The following KHDRBS3 variants were observed in gnomAD, a reference collection of about 807,000 sequenced individuals.
KHDRBS3 encodes the protein KH domain-containing, RNA-binding, signal transduction-associated protein 3.
A neutral mutation model predicts 45.6 loss-of-function variants in KHDRBS3; 23 were observed. The observed-to-expected ratio is 0.50, with a 90% CI of 0.36 to 0.72. The LOEUF (loss-of-function observed/expected upper bound fraction) is 0.72, where lower values mean the gene tolerates loss of function less well. KHDRBS3 is among the 30% of genes least tolerant of loss of function. The pLI is 0.00. For synonymous variants in KHDRBS3, 162 were observed against 156.5 expected, an observed-to-expected ratio of 1.04 and a Z score of -0.26; for missense variants, 352 against 424.8, an observed-to-expected ratio of 0.83 and a Z score of 1.51.
intron 1 of KHDRBS3, among the ~76,000 whole-genome samples, chr8:135,515,133 G>C (rs1034063318): frequency 6.6e-6 from 1 of 151,902 alleles, no homozygotes; most frequent in Non-Finnish European, 1.5e-5. Flanking sequence ...TTGGGAGGCC[G>C]AGGCGGGCGG....
chr8:135,478,984 TTAA>T (rs1822433770), intron 1 of KHDRBS3, among the ~76,000 whole-genome samples: 1 of 151,796 alleles, frequency 6.6e-6, no homozygotes, highest in Non-Finnish European at 1.5e-5. Flanking sequence ...GAATAGAAAA[TTAA>T]TAGAGAAAAG....
intron 4 of KHDRBS3, among the ~76,000 whole-genome samples, chr8:135,553,854 A>G (rs1456848077): frequency 6.6e-6 from 1 of 152,208 alleles, no homozygotes; most frequent in Non-Finnish European, 1.5e-5. Context: ...TAATGTTGTA[A>G]TAGTTTCACT....
At chr8:135,644,079 G>A (rs1015016299) in intron 7 of KHDRBS3, among the ~76,000 whole-genome samples, 6 of 152,130 alleles carry the variant, frequency 3.9e-5, no homozygotes, top group Middle Eastern at 3.2e-3. Flanking sequence ...AAATGGAGTG[G>A]GAAAGAGGAA....
chr8:135,555,238 C>T (rs1207164523), intron 4 of KHDRBS3, among the ~76,000 whole-genome samples: 2 of 152,150 alleles, frequency 1.3e-5, no homozygotes, highest in Non-Finnish European at 2.9e-5. Context: ...TTTCAGTATA[C>T]TCTGTGAAGA....
intron 6 of KHDRBS3, among the ~76,000 whole-genome samples, chr8:135,603,993 G>A (rs1287664046): frequency 1.3e-5 from 2 of 151,558 alleles, no homozygotes; most frequent in Admixed American, 1.3e-4. Flanking sequence ...ACTTATTACT[G>A]AAAGTGTGTT....
At chr8:135,519,974 G>T (rs1203364633) in intron 1 of KHDRBS3, among the ~76,000 whole-genome samples, 1 of 152,124 alleles carries the variant, frequency 6.6e-6, no homozygotes, top group Non-Finnish European at 1.5e-5. Context: ...TTGTTTTTCT[G>T]ATATGACATA....
At chr8:135,477,175 T>C (rs1487089931) in intron 1 of KHDRBS3, among the ~76,000 whole-genome samples, 2 of 152,180 alleles carry the variant, frequency 1.3e-5, no homozygotes, top group Non-Finnish European at 2.9e-5. Flanking sequence ...GATACAGCCA[T>C]ATATATTGAT....
intron 1 of KHDRBS3, among the ~76,000 whole-genome samples, chr8:135,485,723 G>A (rs1586589667): frequency 6.6e-6 from 1 of 151,406 alleles, no homozygotes; most frequent in African/African-American, 2.4e-5. Flanking sequence ...GGGTGATGAC[G>A]GTGATGATGG....
intron 1 of KHDRBS3, among the ~76,000 whole-genome samples, chr8:135,488,029 G>T (rs980311697): frequency 3.9e-5 from 6 of 152,208 alleles, no homozygotes; most frequent in Non-Finnish European, 7.3e-5. Flanking sequence ...GTGTGTGCAT[G>T]TGCATAGGTG....
At chr8:135,569,928 A>G (rs1827621169) in intron 5 of KHDRBS3, among the ~76,000 whole-genome samples, 1 of 150,064 alleles carries the variant, frequency 6.7e-6, no homozygotes, top group African/African-American at 2.5e-5. Flanking sequence ...TTTAAGAAGA[A>G]AGAAAAACAA....
At chr8:135,525,960 A>G (rs1825161619) in intron 2 of KHDRBS3, among the ~76,000 whole-genome samples, 1 of 152,232 alleles carries the variant, frequency 6.6e-6, no homozygotes, top group African/African-American at 2.4e-5. Context: ...TGGTGATCCC[A>G]TAAGATTATA....
chr8:135,540,496 G>T (rs1214879412), intron 2 of KHDRBS3: 1 of 152,236 alleles, frequency 6.6e-6, no homozygotes, highest in Non-Finnish European at 1.5e-5. Flanking sequence ...TCTAGCAAAA[G>T]ACCAGAGGTT....
At chr8:135,652,436 C>T (rs1473383495), downstream of KHDRBS3, among the ~76,000 whole-genome samples, 4 of 152,228 alleles carry the variant, frequency 2.6e-5, no homozygotes, top group Admixed American at 1.3e-4. Context: ...AACCTCAAGC[C>T]GTGTGTGATT....
At chr8:135,469,144 C>T (rs1397648384) in intron 1 of KHDRBS3, among the ~76,000 whole-genome samples, 2 of 152,226 alleles carry the variant, frequency 1.3e-5, no homozygotes, top group East Asian at 3.8e-4. Flanking sequence ...AATTATACCC[C>T]TTTTATTGTC....
intron 5 of KHDRBS3, among the ~76,000 whole-genome samples, chr8:135,577,375 G>A (rs1454775334): frequency 6.6e-6 from 1 of 152,052 alleles, no homozygotes; most frequent in Non-Finnish European, 1.5e-5. Flanking sequence ...GTATCATACA[G>A]AATAGTTTTA....
intron 1 of KHDRBS3, among the ~76,000 whole-genome samples, chr8:135,467,112 T>TA (rs746253452): frequency 6.6e-6 from 1 of 152,160 alleles, no homozygotes; most frequent in Non-Finnish European, 1.5e-5. Context: ...CATGTACACC[T>TA]ACTGTGTACC....
chr8:135,583,400 T>C (rs1828310303), intron 6 of KHDRBS3, among the ~76,000 whole-genome samples: 1 of 152,176 alleles, frequency 6.6e-6, no homozygotes. Context: ...ACAATAATAA[T>C]TATGCCTCAG....
At chr8:135,507,178 C>T (rs1313299658) in intron 1 of KHDRBS3, among the ~76,000 whole-genome samples, 1 of 152,228 alleles carries the variant, frequency 6.6e-6, no homozygotes, top group East Asian at 1.9e-4. Context: ...TTTCTAGATT[C>T]CTGGCCCTGT....
At chr8:135,480,195 A>G (rs968073424) in intron 1 of KHDRBS3, among the ~76,000 whole-genome samples, 2 of 152,204 alleles carry the variant, frequency 1.3e-5, no homozygotes. Flanking sequence ...ATGAAAACCC[A>G]CAGGTACCAT....
Sources: gnomAD v4.1 joint callset for allele counts (sites outside exome capture counted in the v4.1 genomes callset) on GRCh38, gnomAD v4.1.1 for gene constraint, MANE v1.5 for transcripts, NCBI Gene and HGNC (gene_info 2026-07-23, HGNC 2026-07-21) for gene names.